The following STPG1 variants were observed in gnomAD, a reference collection of about 807,000 sequenced individuals.
STPG1 encodes the protein sperm tail PG-rich repeat containing 1.
Under a neutral mutation model 40.1 loss-of-function variants are expected in STPG1, and 33 were observed. The observed-to-expected ratio is 0.82, with a 90% CI of 0.62 to 1.10. STPG1 has a LOEUF of 1.10. Ranked by LOEUF, STPG1 falls within the 50% of genes least tolerant of loss-of-function variation. The pLI is 0.00. For synonymous variants in STPG1, 150 were observed against 155.0 expected, an observed-to-expected ratio of 0.97 and a Z score of 0.24; for missense variants, 396 against 415.1, an observed-to-expected ratio of 0.95 and a Z score of 0.40.
At chr1:24,368,248 C>T (rs983584797) in intron 7 of STPG1, among the ~76,000 whole-genome samples, 1 of 152,204 alleles carries the variant, frequency 6.6e-6, no homozygotes, top group Admixed American at 6.5e-5. Flanking sequence ...TTGGCAGATT[C>T]ACAACTTGCA....
At chr1:24,386,994 C>T (rs1642533669) in intron 3 of STPG1, among the ~76,000 whole-genome samples, 1 of 149,802 alleles carries the variant, frequency 6.7e-6, no homozygotes, top group Non-Finnish European at 1.5e-5. Context: ...CGATGCGGCC[C>T]GCCATCATCA....
chr1:24,372,642 G>A (rs905933966), intron 6 of STPG1, among the ~76,000 whole-genome samples: 6 of 152,340 alleles, frequency 3.9e-5, no homozygotes, highest in African/African-American at 1.4e-4. Flanking sequence ...GCATGAACTG[G>A]GGCTGAGCCT....
chr1:24,374,260 T>G (rs1446228118), intron 5 of STPG1, among the ~76,000 whole-genome samples: 5 of 132,924 alleles, frequency 3.8e-5, no homozygotes, highest in Non-Finnish European at 8.0e-5. Context: ...TTTTTTTGTT[T>G]TTTTTTTTTT....
At chr1:24,400,757 A>G (rs973558863) in intron 2 of STPG1, among the ~76,000 whole-genome samples, 5 of 152,174 alleles carry the variant, frequency 3.3e-5, no homozygotes, top group African/African-American at 7.2e-5. Flanking sequence ...AACACTAGCA[A>G]AACCAAAGGG....
intron 5 of STPG1, among the ~76,000 whole-genome samples, chr1:24,378,009 ATCC>A (rs60101910): frequency 0.24 from 35,995 of 151,702 alleles, 4,526 homozygotes; most frequent in East Asian, 0.45. Flanking sequence ...GAAGTGCTTC[ATCC>A]TCCTCCTCCT....
chr1:24,375,400 C>T (rs1180650445), intron 5 of STPG1, among the ~76,000 whole-genome samples: 2 of 151,998 alleles, frequency 1.3e-5, no homozygotes, highest in Admixed American at 6.6e-5. Flanking sequence ...AAATGTTTCT[C>T]GAGAAATGCA....
chr1:24,367,080 C>T (rs72880609), intron 7 of STPG1, among the ~76,000 whole-genome samples: 6,391 of 152,256 alleles, frequency 0.042, 373 homozygotes, highest in African/African-American at 0.13. Context: ...AGTGGGAAGA[C>T]GGCCCCATGG....
rs774655402 is a variant in STPG1, at chr1:24,360,879, C to T, written c.900G>A (p.Ala300=). The T allele has an allele frequency of 1.4e-5, 22 of 1,613,024 alleles. No individual in the cohort carries two copies. Among genetic ancestry groups the T allele is most frequent in the Middle Eastern group, 1.6e-4 (1 of 6,084 alleles). ...GGCCAGGCAGGCCTGGCTGAGGCGG[C>T]GCCGCTGTCCACCGGCTGGTATTGG... ...FVSNTSRWTA[A]PPQPGLPGPA... is the part of the protein sequence containing the mutation. The change falls in exon 8 of 9, where the codon GCG becomes GCA. Residue 300 remains alanine, a synonymous_variant. Coordinates refer to ENST00000337248, the MANE Select transcript of STPG1 (RefSeq NM_001199013.2).
intron 2 of STPG1, among the ~76,000 whole-genome samples, chr1:24,400,092 A>T (rs548666398): frequency 1.3e-5 from 2 of 152,368 alleles, no homozygotes; most frequent in East Asian, 3.9e-4. Context: ...AGAAGTTTTT[A>T]TTCATAATAG....
rs369015970 is a variant in STPG1, at chr1:24,373,729, C to G, written c.544G>C (p.Ala182Pro). ...GGGGGAGGTCCTTTATCAGCAAAAGCGAAAGATCCTCTTTGGGTTTTTGAC... is the reference window on the plus strand; with the variant it reads ...GGGGGAGGTCCTTTATCAGCAAAAGGGAAAGATCCTCTTTGGGTTTTTGAC... Reference protein sequence around the residue: ...FMSKTQRGSFAFADKGPPPGH... With the variant: ...FMSKTQRGSFPFADKGPPPGH... Residue 182 changes from alanine (A) to proline (P), a missense_variant, in exon 6 of 9, where the codon GCT (alanine) becomes CCT (proline). Ala to Pro is a conservative substitution (Grantham distance 27). Transcript: ENST00000337248. 3 of 1,611,620 alleles carry G rather than the reference C, an allele frequency of 1.9e-6. No individual in the cohort carries two copies. In the South Asian group the frequency reaches 3.3e-5, roughly 18 times the overall value.
At chr1:24,385,129 C>T (rs913504585) in intron 3 of STPG1, among the ~76,000 whole-genome samples, 3 of 152,190 alleles carry the variant, frequency 2.0e-5, no homozygotes, top group Non-Finnish European at 2.9e-5. Flanking sequence ...TACTGCCTTC[C>T]TTAGGGTAGA....
intron 2 of STPG1, 26 bp from the exon 3 acceptor site, chr1:24,391,705 C>A (rs1418746963): frequency 3.5e-6 from 5 of 1,445,032 alleles, no homozygotes; most frequent in Non-Finnish European, 4.7e-6. Flanking sequence ...GGAGTAAAAT[C>A]AAAATGAATA....
rs1315923467 is a variant in STPG1, at chr1:24,383,962, C to T, written c.231G>A (p.Gln77=). The T allele has an allele frequency of 6.2e-7, 1 of 1,613,924 alleles. No homozygotes were observed. Among genetic ancestry groups the T allele is most frequent in the East Asian group, 2.2e-5 (1 of 44,892 alleles). ...PGPGFYNVIH[Q]SPVSNSVSLS... ...ATGAGACACTGTTGGACACCGGTGA[C>T]TGGTGAATAACATTGTAGAACCCAG... Residue 77 remains glutamine, a synonymous_variant, in exon 4 of 9, where the codon CAG becomes CAA. Coordinates refer to ENST00000337248, the MANE Select transcript of STPG1 (RefSeq NM_001199013.2).
chr1:24,361,550 C>G (rs565402826), intron 7 of STPG1, among the ~76,000 whole-genome samples: 2,595 of 152,244 alleles, frequency 0.017, 17 homozygotes, highest in Non-Finnish European at 0.026. Flanking sequence ...ACAGATTTGC[C>G]ATCCCAAGAC....
intron 2 of STPG1, among the ~76,000 whole-genome samples, chr1:24,392,560 T>A (rs1642822045): frequency 6.6e-6 from 1 of 152,174 alleles, no homozygotes; most frequent in South Asian, 2.1e-4. Flanking sequence ...CAGTCCAGCC[T>A]CGCTTTCCAA....
rs1218725173 is a variant in STPG1 at position 24,413,701 on chromosome 1, G to GC, written c.-97dup. 1 of 152,296 alleles carries GC rather than the reference G, an allele frequency of 6.6e-6. No individual in the cohort carries two copies. Among genetic ancestry groups the GC allele is most frequent in the African/African-American group, 2.4e-5 (1 of 41,462 alleles). The allele number at this position is 152,296 out of a possible 1,614,324, so 9.4% of individuals were successfully genotyped here. A position where few individuals can be genotyped will look rare whatever the true frequency, so the allele number is the denominator to read the frequency against. ...GGTCCGGTCCCGGCAGCTGAATCTGGCCAGCCCAACCTCCCGGTCGCTATG... is the reference window on the plus strand; with the variant it reads ...GGTCCGGTCCCGGCAGCTGAATCTGGCCCAGCCCAACCTCCCGGTCGCTATG... On this transcript the variant is annotated 5_prime_UTR_variant, in exon 1 of 9. Coordinates refer to ENST00000337248, the MANE Select transcript of STPG1 (RefSeq NM_001199013.2).
chr1:24,369,640 T>C, intron 7 of STPG1, 34 bp downstream of exon 7: 1 of 1,557,542 alleles, frequency 6.4e-7, no homozygotes, highest in Non-Finnish European at 8.7e-7. Flanking sequence ...CACAACCACC[T>C]TTCAAAAGAA....
chr1:24,374,061 G>C (rs1641886761), intron 5 of STPG1, among the ~76,000 whole-genome samples: 1 of 152,060 alleles, frequency 6.6e-6, no homozygotes, highest in African/African-American at 2.4e-5. Flanking sequence ...CACACAGCTA[G>C]CTGCAGGGTG....
intron 1 of STPG1, among the ~76,000 whole-genome samples, chr1:24,407,702 C>CTGGG (rs1643469288): frequency 6.6e-6 from 1 of 152,172 alleles, no homozygotes; most frequent in African/African-American, 2.4e-5. Context: ...TCCCAAAGTG[C>CTGGG]TGGGATTACA....
Sources: allele counts gnomAD v4.1 joint callset (sites outside exome capture counted in the v4.1 genomes callset), GRCh38; gene constraint gnomAD v4.1.1; transcripts MANE v1.5; gene names NCBI Gene and HGNC (gene_info 2026-07-23, HGNC 2026-07-21).